GRIK1: variants seen among roughly 807,000 people sequenced by gnomAD.
GRIK1 encodes the protein glutamate receptor ionotropic, kainate 1.
GRIK1 carries 69 observed loss-of-function variants against 105.7 expected under a neutral mutation model. That is an observed-to-expected ratio of 0.65 (90% CI 0.54 to 0.80). The LOEUF is 0.80. Among genes scored for constraint, GRIK1 ranks in the 30% least tolerant of loss-of-function variants. GRIK1 has a pLI of 0.00. For missense variants in GRIK1, 1,109 were observed against 1,167.3 expected (o/e 0.95, Z 0.73); for synonymous variants, 438 against 431.3 (o/e 1.02, Z -0.19).
intron 1 of GRIK1, among the ~76,000 whole-genome samples, chr21:29,747,041 G>A (rs1438447853): frequency 6.6e-6 from 1 of 152,176 alleles, no homozygotes; most frequent in Non-Finnish European, 1.5e-5. Flanking sequence ...ACCATAAGGT[G>A]TCTCCCAAGA....
rs2068887962 is a variant in GRIK1 at position 29,868,043 on chromosome 21, AGGAAG to A, written c.118+71335_118+71339del. ...CAGAAAGAAAGGAAGGAAGGAAGGA[AGGAAG>A]GGAAGGAGAAAGAAAGAGCTAGGAA... is the stretch of plus-strand genomic sequence containing the variant. On this transcript the variant is annotated intron_variant, in intron 1 of 17. Coordinates refer to ENST00000327783, the MANE Select transcript of GRIK1 (RefSeq NM_001330994.2). Among the ~76,000 whole-genome samples the A allele has an allele frequency of 2.0e-5, 3 of 151,962 alleles. No homozygotes were observed. The South Asian group carries it at 6.2e-4, about 32-fold the overall frequency.
chr21:29,602,532 A>T (rs768835501), intron 7 of GRIK1, among the ~76,000 whole-genome samples: 23 of 152,208 alleles, frequency 1.5e-4, no homozygotes, highest in Non-Finnish European at 3.1e-4. Flanking sequence ...TAGAATATTG[A>T]GGAGAGAAGT....
At chr21:29,914,575 T>G (rs968967585) in intron 1 of GRIK1, among the ~76,000 whole-genome samples, 6 of 152,128 alleles carry the variant, frequency 3.9e-5, no homozygotes, top group Non-Finnish European at 8.8e-5. Context: ...ATTGGCTTGT[T>G]TCACAAACAG....
chr21:29,902,717 T>C (rs2975198), intron 1 of GRIK1, among the ~76,000 whole-genome samples: 35,649 of 152,022 alleles, frequency 0.23, 5,001 homozygotes, highest in African/African-American at 0.39. Flanking sequence ...GGCCTTACTG[T>C]CCAAAGTAAT....
chr21:29,808,236 A>G (rs2066916006), intron 1 of GRIK1, among the ~76,000 whole-genome samples: 1 of 152,044 alleles, frequency 6.6e-6, no homozygotes, highest in South Asian at 2.1e-4. Context: ...GATTAATTGC[A>G]CTCTCCAACC....
At chr21:29,631,525 A>G (rs1457178100) in intron 7 of GRIK1, among the ~76,000 whole-genome samples, 1 of 152,198 alleles carries the variant, frequency 6.6e-6, no homozygotes, top group African/African-American at 2.4e-5. Flanking sequence ...TGAGAAATAA[A>G]TGCCTTTTGT....
intron 1 of GRIK1, among the ~76,000 whole-genome samples, chr21:29,703,055 A>G (rs2063842122): frequency 6.6e-6 from 1 of 152,242 alleles, no homozygotes; most frequent in Non-Finnish European, 1.5e-5. Context: ...TATTTTATTC[A>G]GTTCTTCAAA....
At chr21:29,675,948 A>G (rs1030634477) in intron 3 of GRIK1, among the ~76,000 whole-genome samples, 5 of 152,202 alleles carry the variant, frequency 3.3e-5, no homozygotes, top group African/African-American at 1.2e-4. Flanking sequence ...TGACTAATTA[A>G]CTATATTAAT....
intron 1 of GRIK1, among the ~76,000 whole-genome samples, chr21:29,751,095 G>A (rs917085537): frequency 1.3e-5 from 2 of 152,142 alleles, no homozygotes; most frequent in African/African-American, 2.4e-5. Context: ...ATTTCACAAG[G>A]TAATGTCATC....
chr21:29,653,186 C>T (rs1036126079), intron 5 of GRIK1, among the ~76,000 whole-genome samples: 3 of 152,068 alleles, frequency 2.0e-5, no homozygotes, highest in African/African-American at 4.8e-5. Flanking sequence ...AAAATGAGTC[C>T]GGTAGCACAC....
chr21:29,652,098 G>C (rs566096190), intron 5 of GRIK1, among the ~76,000 whole-genome samples: 1 of 152,124 alleles, frequency 6.6e-6, no homozygotes, highest in African/African-American at 2.4e-5. Flanking sequence ...TAAGAATTCT[G>C]TTCCCAGTTC....
intron 5 of GRIK1, among the ~76,000 whole-genome samples, 167 bp downstream of exon 5, chr21:29,654,643 G>GAA (rs564139441): frequency 6.4e-5 from 6 of 94,296 alleles, no homozygotes; most frequent in African/African-American, 3.4e-4. Context: ...AAGAAAGAAA[G>GAA]AAAAAAAGCC....
At chr21:29,603,841 C>G (rs921040885) in intron 7 of GRIK1, among the ~76,000 whole-genome samples, 1 of 152,184 alleles carries the variant, frequency 6.6e-6, no homozygotes, top group Non-Finnish European at 1.5e-5. Flanking sequence ...TTCTTCATGC[C>G]TCTAAACAAG....
chr21:29,673,045 C>T lies in GRIK1; in HGVS notation c.664G>A (p.Gly222Ser). Residue 222 changes from glycine (G) to serine (S), a missense_variant, in exon 4 of 18, where the codon GGC becomes AGC. This residue lies in a region of GRIK1 where 612 missense variants were observed against 586.0 expected (regional missense o/e 1.04). Transcript: ENST00000327783. ...TCAAATATCACATAGAACTCCTTGCCTTTCTTCATCTCCTTGAGTAAAGGC... is the reference window on the plus strand; with the variant it reads ...TCAAATATCACATAGAACTCCTTGCTTTTCTTCATCTCCTTGAGTAAAGGC... ...AKPLLKEMKK[G>S]KEFYVIFDCS... is the part of the protein sequence containing the mutation. The T allele has an allele frequency of 6.2e-7, 1 of 1,613,400 alleles. No homozygotes were observed. The highest frequency in any genetic ancestry group is 8.5e-7 in the Non-Finnish European group (1 of 1,179,390).
At position 29,704,071 on chromosome 21, in the gene GRIK1, A is replaced by T. The variant is rs144951080; in HGVS notation, c.119-10008T>A. ...ATTTTCCTTCATAAATTTGAGTTGCACTATAAATTACCCAAAGCCAAAGTT... is the reference window on the plus strand; with the variant it reads ...ATTTTCCTTCATAAATTTGAGTTGCTCTATAAATTACCCAAAGCCAAAGTT... On this transcript the variant is annotated intron_variant, in intron 1 of 17. Coordinates refer to ENST00000327783, the MANE Select transcript of GRIK1 (RefSeq NM_001330994.2). Among the ~76,000 whole-genome samples the T allele has an allele frequency of 8.5e-5, 13 of 152,318 alleles. No individual in the cohort carries two copies. The East Asian group carries it at 2.5e-3, about 29-fold the overall frequency.
In GRIK1 at chr21:29,661,295, G is replaced by A. The variant is rs961840766; in HGVS notation, c.727-6432C>T. 1.2e-4 allele frequency among the ~76,000 whole-genome samples: 19 copies of A among 152,296 alleles called. 1 individual carries two copies. The highest frequency in any genetic ancestry group is 6.2e-4 in the South Asian group (3 of 4,824). On this transcript the variant is annotated intron_variant, in intron 4 of 17. Transcript: ENST00000327783. Reference sequence around the variant, plus strand: ...ATAATGGTTCTCTAAAGATGTCTACGTCCTAATTCCAGAACCAATGGAATA... The same window carrying A: ...ATAATGGTTCTCTAAAGATGTCTACATCCTAATTCCAGAACCAATGGAATA...
At chr21:29,727,654 T>A (rs1274935877) in intron 1 of GRIK1, among the ~76,000 whole-genome samples, 2 of 152,166 alleles carry the variant, frequency 1.3e-5, no homozygotes, top group Non-Finnish European at 2.9e-5. Context: ...AGGCTTGAAG[T>A]GTAAATGTCC....
chr21:29,635,367 A>T (rs1434003558), intron 7 of GRIK1, among the ~76,000 whole-genome samples: 1 of 152,188 alleles, frequency 6.6e-6, no homozygotes, highest in Non-Finnish European at 1.5e-5. Context: ...GGTAGAGGTG[A>T]TTGCTGAAGA....
chr21:29,883,504 T>C (rs1272043123), intron 1 of GRIK1, among the ~76,000 whole-genome samples: 1 of 152,026 alleles, frequency 6.6e-6, no homozygotes, highest in African/African-American at 2.4e-5. Flanking sequence ...TGAGGTCCCC[T>C]GTTTGCCACA....
Sources: allele counts gnomAD v4.1 joint callset (sites outside exome capture counted in the v4.1 genomes callset), GRCh38; gene constraint gnomAD v4.1.1; regional missense constraint gnomAD v4.1.1; transcripts MANE v1.5; gene names NCBI Gene and HGNC (gene_info 2026-07-23, HGNC 2026-07-21).